The following CD55 variants were observed in gnomAD, a reference collection of about 807,000 sequenced individuals.
CD55 encodes complement decay-accelerating factor.
A neutral mutation model predicts 45.8 loss-of-function variants in CD55; 41 were observed. That is an observed-to-expected ratio of 0.90 (90% CI 0.70 to 1.16). The LOEUF is 1.16. Among genes scored for constraint, CD55 ranks in the 50% most tolerant of loss-of-function variants. The probability of loss-of-function intolerance (pLI) is 0.00; values close to 1 mark genes in which losing one functional copy is unlikely to be tolerated. For missense variants in CD55, 416 were observed against 469.8 expected, an observed-to-expected ratio of 0.89 and a Z score of 1.06; for synonymous variants, 181 against 181.1, an observed-to-expected ratio of 1.00 and a Z score of 0.01.
At chr1:207,326,463 T>A (rs1347736968) in intron 4 of CD55, among the ~76,000 whole-genome samples, 1 of 152,088 alleles carries the variant, frequency 6.6e-6, no homozygotes, top group African/African-American at 2.4e-5. Context: ...GTATAAAATG[T>A]TCAATCATCT....
At chr1:207,353,636 C>T (rs575133622) in intron 9 of CD55, among the ~76,000 whole-genome samples, 1 of 152,158 alleles carries the variant, frequency 6.6e-6, no homozygotes, top group Admixed American at 6.5e-5. Context: ...AGGTTTAAGT[C>T]AGATAATATA....
chr1:207,336,882 C>T (rs1347724270), intron 7 of CD55, 64 bp downstream of exon 7: 1 of 1,585,266 alleles, frequency 6.3e-7, no homozygotes, highest in Non-Finnish European at 8.7e-7. Flanking sequence ...ACAAGAACCC[C>T]ACCAACTCCT....
Position 207,331,090 on chromosome 1 carries a change from T to C in CD55, c.665-18T>C. ...ACTAGTTTTATTTATTTAAAAGATG[T>C]TGGAATTGTTTTTTAAGAAATTTAT... On this transcript the variant is annotated intron_variant, in intron 5 of 9. Transcript: ENST00000367064. The C allele has an allele frequency of 6.4e-7, 1 of 1,558,790 alleles. No homozygotes were observed. The highest frequency in any genetic ancestry group is 1.8e-5 in the Admixed American group (1 of 55,592).
chr1:207,333,756 T>C (rs1462894479), intron 6 of CD55, among the ~76,000 whole-genome samples: 3 of 143,472 alleles, frequency 2.1e-5, no homozygotes, highest in Non-Finnish European at 4.4e-5. Flanking sequence ...AAGAACACAA[T>C]AGATAGGTTT....
intron 9 of CD55, among the ~76,000 whole-genome samples, chr1:207,358,328 T>G (rs1023359313): frequency 2.6e-5 from 4 of 152,204 alleles, no homozygotes; most frequent in African/African-American, 7.2e-5. Context: ...AGTGATAATG[T>G]GGTTTCATTT....
chr1:207,324,375 C>CA (rs967260286), intron 2 of CD55, among the ~76,000 whole-genome samples, 184 bp from the exon 3 acceptor site: 2 of 151,494 alleles, frequency 1.3e-5, no homozygotes, highest in African/African-American at 4.9e-5. Context: ...AACTAGGAAA[C>CA]AAAGTATACA....
chr1:207,340,432 C>G (rs1403068349), intron 9 of CD55: 1 of 622,980 alleles, frequency 1.6e-6, no homozygotes, highest in African/African-American at 1.9e-5. Context: ...GTGGTGTGAT[C>G]GTAGCTCACT....
chr1:207,325,320 G>A (rs1240471889), intron 3 of CD55, among the ~76,000 whole-genome samples: 7 of 118,906 alleles, frequency 5.9e-5, no homozygotes. Flanking sequence ...GGGCAACAGA[G>A]CAAAACTCCA....
intron 9 of CD55, among the ~76,000 whole-genome samples, chr1:207,343,478 G>A (rs1655512736): frequency 6.6e-6 from 1 of 151,944 alleles, no homozygotes; most frequent in African/African-American, 2.4e-5. Context: ...TTATTTGTAC[G>A]GTTTCCAAAG....
chr1:207,341,761 T>C (rs1210983429), intron 9 of CD55, among the ~76,000 whole-genome samples: 1 of 152,110 alleles, frequency 6.6e-6, no homozygotes, highest in African/African-American at 2.4e-5. Context: ...TTTAGGACTT[T>C]TTTTTTTCTA....
chr1:207,353,282 G>A (rs1205394609), intron 9 of CD55, among the ~76,000 whole-genome samples: 1 of 151,956 alleles, frequency 6.6e-6, no homozygotes, highest in Non-Finnish European at 1.5e-5. Context: ...ATTCCCCTCT[G>A]TTGCCAAAGT....
In CD55 at chr1:207,351,610, T is replaced by C. The variant is rs146378118; in HGVS notation, c.1082-7936T>C. Reference sequence around the variant, plus strand: ...TGGTTATTTTATATTTTGAATGAACTTCTAAGCTAAAAGATTTATCTTGAA... The same window carrying C: ...TGGTTATTTTATATTTTGAATGAACCTCTAAGCTAAAAGATTTATCTTGAA... On this transcript the variant is annotated intron_variant, in intron 9 of 9. Coordinates refer to ENST00000367064, the MANE Select transcript of CD55 (RefSeq NM_000574.5). Among the ~76,000 whole-genome samples, 160 of 152,300 alleles carry C rather than the reference T, an allele frequency of 1.1e-3. 1 individual carries two copies. The highest frequency in any genetic ancestry group is 3.4e-4 in the Non-Finnish European group (23 of 67,984).
chr1:207,328,179 C>A, intron 5 of CD55, among the ~76,000 whole-genome samples: 1 of 152,172 alleles, frequency 6.6e-6, no homozygotes, highest in East Asian at 1.9e-4. Flanking sequence ...GTGTCTTGAA[C>A]TCCATGCTGA....
intron 5 of CD55, among the ~76,000 whole-genome samples, chr1:207,330,306 C>G (rs1278881478): frequency 6.8e-6 from 1 of 147,242 alleles, no homozygotes; most frequent in African/African-American, 2.5e-5. Context: ...TTGGCATACA[C>G]ACATATTAAA....
chr1:207,323,613 C>A (rs1055946817), intron 2 of CD55, among the ~76,000 whole-genome samples: 3 of 152,076 alleles, frequency 2.0e-5, no homozygotes, highest in Non-Finnish European at 2.9e-5. Context: ...TAAAGAGACC[C>A]GATAACCTGA....
chr1:207,356,611 C>T (rs1276981585), intron 9 of CD55, among the ~76,000 whole-genome samples: 1 of 152,078 alleles, frequency 6.6e-6, no homozygotes, highest in African/African-American at 2.4e-5. Context: ...CAAAACAGCA[C>T]AGTGGTTAAG....
chr1:207,347,278 T>TA lies in CD55; in HGVS notation c.1081+7862dup, dbSNP rs1572896392. 1.4e-5 allele frequency: 6 copies of TA among 444,318 alleles called. No individual in the cohort carries two copies. The East Asian group carries it at 4.2e-4, about 31-fold the overall frequency. The allele number at this position is 444,318 out of a possible 1,614,324, so 27.5% of individuals were successfully genotyped here. ...ATGGGTAAACACATTTTTTTTTTTT[T>TA]AGACGGAATCTCGCTCTGTCACCCA... On this transcript the variant is annotated intron_variant, in intron 9 of 9. Coordinates refer to ENST00000367064, the MANE Select transcript of CD55 (RefSeq NM_000574.5).
At chr1:207,336,875 AG>A in intron 7 of CD55, 57 bp downstream of exon 7, 1 of 1,602,982 alleles carries the variant, frequency 6.2e-7, no homozygotes, top group Non-Finnish European at 8.5e-7. Flanking sequence ...TTCAGCTACA[AG>A]AACCCCACCA....
intron 6 of CD55, among the ~76,000 whole-genome samples, chr1:207,333,249 G>A (rs1231856595): frequency 6.6e-6 from 1 of 152,218 alleles, no homozygotes; most frequent in Non-Finnish European, 1.5e-5. Context: ...ACTGTATAGG[G>A]AAGGACATTA....
Sources: gnomAD v4.1 joint callset for allele counts (sites outside exome capture counted in the v4.1 genomes callset) on GRCh38, gnomAD v4.1.1 for gene constraint, MANE v1.5 for transcripts, NCBI Gene and HGNC (gene_info 2026-07-23, HGNC 2026-07-21) for gene names.